The following KLHL1 variants were observed in gnomAD, a reference collection of about 807,000 sequenced individuals.
KLHL1 encodes kelch like family member 1, also known as kelch-like protein 1.
Under a neutral mutation model 77.7 loss-of-function variants are expected in KLHL1, and 47 were observed. The ratio of observed to expected loss-of-function variants is 0.60; its 90% CI spans 0.48 to 0.77. The LOEUF is 0.77. KLHL1 is among the 30% of genes least tolerant of loss of function. KLHL1 has a pLI of 0.00. For synonymous variants in KLHL1, 360 were observed against 325.2 expected (o/e 1.11, Z -1.15); for missense variants, 925 against 910.8 (o/e 1.02, Z -0.20).
chr13:69,795,445 T>C (rs114865062), intron 7 of KLHL1, among the ~76,000 whole-genome samples: 1,821 of 152,272 alleles, frequency 0.012, 24 homozygotes, highest in African/African-American at 0.04. Context: ...GTTCTAAATA[T>C]AGGAAAGGAA....
intron 1 of KLHL1, among the ~76,000 whole-genome samples, chr13:69,995,310 G>A (rs1003360043): frequency 6.6e-6 from 1 of 151,842 alleles, no homozygotes; most frequent in Non-Finnish European, 1.5e-5. Context: ...AACTCCAGAG[G>A]TAAAAAAAAT....
intron 4 of KLHL1, among the ~76,000 whole-genome samples, chr13:69,883,407 A>C (rs1418370786): frequency 6.6e-6 from 1 of 152,158 alleles, no homozygotes; most frequent in Non-Finnish European, 1.5e-5. Flanking sequence ...AATTTCTGTC[A>C]CATTTCAAGA....
chr13:70,020,788 G>GATATATATGT (rs144357378), intron 1 of KLHL1, among the ~76,000 whole-genome samples: 146,290 of 151,758 alleles, frequency 0.96, 70,587 homozygotes, highest in South Asian at 0.99. Context: ...CATATTGTGA[G>GATATATATGT]ATATATATGT....
chr13:69,708,994 G>A (rs1875756892), intron 9 of KLHL1, among the ~76,000 whole-genome samples: 2 of 151,932 alleles, frequency 1.3e-5, no homozygotes, highest in South Asian at 4.1e-4. Context: ...AGAAGATCTG[G>A]AATTTATATT....
At chr13:69,917,268 C>T (rs1412282456) in intron 4 of KLHL1, among the ~76,000 whole-genome samples, 3 of 151,728 alleles carry the variant, frequency 2.0e-5, no homozygotes, top group African/African-American at 7.3e-5. Context: ...AAATGAAATG[C>T]TTAAAACCAA....
chr13:69,763,875 T>C (rs994321231), intron 7 of KLHL1, among the ~76,000 whole-genome samples: 11 of 152,206 alleles, frequency 7.2e-5, no homozygotes, highest in Non-Finnish European at 1.6e-4. Context: ...GATTCCAGCA[T>C]AATAAGAAAG....
intron 3 of KLHL1, among the ~76,000 whole-genome samples, chr13:69,953,641 T>C (rs1421341830): frequency 3.3e-5 from 5 of 151,056 alleles, no homozygotes; most frequent in Non-Finnish European, 5.9e-5. Context: ...ACAATAAAAA[T>C]CCATCTCAAA....
intron 6 of KLHL1, among the ~76,000 whole-genome samples, chr13:69,832,578 T>C (rs1878803968): frequency 1.5e-5 from 2 of 136,366 alleles, no homozygotes; most frequent in African/African-American, 6.1e-5. Context: ...TCATTCTTCA[T>C]AGAACTTAAA....
At chr13:69,892,239 T>C (rs1047470230) in intron 4 of KLHL1, among the ~76,000 whole-genome samples, 6 of 152,176 alleles carry the variant, frequency 3.9e-5, no homozygotes, top group Admixed American at 6.5e-5. Context: ...AAAAGCCATA[T>C]GTTTTTAACA....
chr13:69,857,403 TTCTG>T (rs1303329906), intron 5 of KLHL1, among the ~76,000 whole-genome samples: 1 of 152,108 alleles, frequency 6.6e-6, no homozygotes, highest in Admixed American at 6.6e-5. Context: ...ACATATTTAT[TTCTG>T]TCTCTGTCTC....
chr13:69,715,220 AC>A (rs1378928775), intron 9 of KLHL1, among the ~76,000 whole-genome samples: 2 of 152,112 alleles, frequency 1.3e-5, no homozygotes, highest in Non-Finnish European at 2.9e-5. Context: ...TTGTGTCCCC[AC>A]CCAAATTTCA....
intron 6 of KLHL1, among the ~76,000 whole-genome samples, chr13:69,810,332 T>C (rs1378683888): frequency 6.6e-6 from 1 of 152,126 alleles, no homozygotes; most frequent in Non-Finnish European, 1.5e-5. Flanking sequence ...TTTAATTATA[T>C]GAAGCATCTC....
intron 1 of KLHL1, among the ~76,000 whole-genome samples, chr13:69,978,178 A>T (rs909012534): frequency 6.6e-6 from 1 of 152,090 alleles, no homozygotes; most frequent in African/African-American, 2.4e-5. Context: ...CATTGAATAG[A>T]AAAGTCACAA....
intron 1 of KLHL1, among the ~76,000 whole-genome samples, chr13:69,994,098 A>G (rs547260056): frequency 6.6e-6 from 1 of 152,146 alleles, no homozygotes; most frequent in African/African-American, 2.4e-5. Flanking sequence ...TTCAAGGCAC[A>G]GATAAAGAAC....
intron 3 of KLHL1, among the ~76,000 whole-genome samples, chr13:69,956,806 T>G (rs1016447255): frequency 6.6e-6 from 1 of 151,636 alleles, no homozygotes. Context: ...TCAAGAAGAT[T>G]TTACAAATGC....
chr13:69,741,624 C>A (rs1275447165), intron 7 of KLHL1, among the ~76,000 whole-genome samples: 1 of 152,124 alleles, frequency 6.6e-6, no homozygotes, highest in African/African-American at 2.4e-5. Context: ...TTACTGTTTC[C>A]CTTCTCTTGA....
intron 1 of KLHL1, among the ~76,000 whole-genome samples, chr13:69,981,863 G>C (rs1023794518): frequency 1.3e-5 from 2 of 151,766 alleles, no homozygotes; most frequent in African/African-American, 2.4e-5. Flanking sequence ...CTGTGATTCT[G>C]AAACTGTAAT....
intron 4 of KLHL1, among the ~76,000 whole-genome samples, chr13:69,906,752 A>G (rs1882058927): frequency 6.6e-6 from 1 of 151,982 alleles, no homozygotes; most frequent in South Asian, 2.1e-4. Flanking sequence ...CTTCACTTAT[A>G]ATAAAAATTC....
intron 1 of KLHL1, among the ~76,000 whole-genome samples, chr13:70,027,446 A>G (rs560067959): frequency 5.3e-5 from 8 of 152,092 alleles, no homozygotes; most frequent in African/African-American, 9.6e-5. Context: ...AGGTAGAACT[A>G]TGCAGTCACA....
Sources: allele counts gnomAD v4.1 joint callset (sites outside exome capture counted in the v4.1 genomes callset), GRCh38; gene constraint gnomAD v4.1.1; transcripts MANE v1.5; gene names NCBI Gene and HGNC (gene_info 2026-07-23, HGNC 2026-07-21).